The following LAMC1 variants were observed in gnomAD, a reference collection of about 807,000 sequenced individuals.
LAMC1 encodes laminin subunit gamma 1, also known as laminin subunit gamma-1.
Under a neutral mutation model 173.6 loss-of-function variants are expected in LAMC1, and 38 were observed. The ratio of observed to expected loss-of-function variants is 0.22; its 90% CI spans 0.17 to 0.29. The LOEUF is 0.29. Among genes scored for constraint, LAMC1 ranks in the 10% least tolerant of loss-of-function variants. The probability of loss-of-function intolerance (pLI) is 1.00; values close to 1 mark genes in which losing one functional copy is unlikely to be tolerated. For missense variants in LAMC1, 1,824 were observed against 2,051.8 expected (o/e 0.89, Z 2.14); for synonymous variants, 746 against 749.1 (o/e 1.00, Z 0.07).
At position 183,115,569 on chromosome 1, in the gene LAMC1, A is replaced by G; in HGVS notation, c.1260A>G (p.Pro420=). ...CDSYGRCSCK[P]GVMGDKCDRC... is the part of the protein sequence containing the mutation. Reference sequence around the variant, plus strand: ...GTTACGGCAGATGCAGCTGTAAGCCAGGAGTGATGGGGGACAAATGTGACC... The same window carrying G: ...GTTACGGCAGATGCAGCTGTAAGCCGGGAGTGATGGGGGACAAATGTGACC... The change falls in exon 6 of 28, where the codon CCA becomes CCG. Residue 420 remains proline (P), a synonymous_variant. Coordinates refer to ENST00000258341, the MANE Select transcript of LAMC1 (RefSeq NM_002293.4). 1 of 1,614,208 alleles carries G rather than the reference A, an allele frequency of 6.2e-7. No individual in the cohort carries two copies. The highest frequency in any genetic ancestry group is 8.5e-7 in the Non-Finnish European group (1 of 1,180,016).
At position 183,109,947 on chromosome 1, in the gene LAMC1, A is replaced by T. The variant is rs573673820; in HGVS notation, c.855-541A>T. 2.4e-4 allele frequency among the ~76,000 whole-genome samples: 37 copies of T among 152,306 alleles called. 1 individual carries two copies. Among genetic ancestry groups the T allele is most frequent in the African/African-American group, 8.4e-4 (35 of 41,572 alleles). Reference sequence around the variant, plus strand: ...ATGTGTCTCACCACCTTTAGGTCGGAATACTTTAAAATCATTATGGCAGAT... The same window carrying T: ...ATGTGTCTCACCACCTTTAGGTCGGTATACTTTAAAATCATTATGGCAGAT... On this transcript the variant is annotated intron_variant, in intron 3 of 27. Transcript: ENST00000258341.
In LAMC1 at chr1:183,115,611, C is replaced by G. The variant is rs1319342699; in HGVS notation, c.1302C>G (p.Phe434Leu). ...AATGTGACCGTTGCCAGCCTGGATT[C>G]CATTCTCTCACTGAAGCAGGATGCA... is the stretch of plus-strand genomic sequence containing the variant. Reference protein sequence around the residue: ...GDKCDRCQPGFHSLTEAGCRP... With the variant: ...GDKCDRCQPGLHSLTEAGCRP... The change falls in exon 6 of 28, where the codon TTC (phenylalanine) becomes TTG (leucine). Residue 434 changes from phenylalanine to leucine, a missense_variant. Coordinates refer to ENST00000258341, the MANE Select transcript of LAMC1 (RefSeq NM_002293.4). The G allele has an allele frequency of 6.2e-7, 1 of 1,613,306 alleles. No homozygotes were observed. Among genetic ancestry groups the G allele is most frequent in the African/African-American group, 1.3e-5 (1 of 74,918 alleles).
chr1:183,122,317 T>C, intron 13 of LAMC1, 66 bp downstream of exon 13: 1 of 1,465,700 alleles, frequency 6.8e-7, no homozygotes, highest in Non-Finnish European at 9.4e-7. Flanking sequence ...GGAAAGGGGC[T>C]TCGGAGTTGT....
At chr1:183,133,906 C>G (rs2102107702) in intron 22 of LAMC1, among the ~76,000 whole-genome samples, 1 of 152,354 alleles carries the variant, frequency 6.6e-6, no homozygotes, top group African/African-American at 2.4e-5. Flanking sequence ...TATGAACAAT[C>G]ACTCCTAAGT....
Position 183,023,781 on chromosome 1 carries a change from C to T in LAMC1, c.65C>T (p.Ala22Val), listed in dbSNP as rs773264654. 13 of 1,465,826 alleles carry T rather than the reference C, an allele frequency of 8.9e-6. No individual in the cohort carries two copies. The highest frequency in any genetic ancestry group is 1.2e-5 in the Non-Finnish European group (13 of 1,108,502). The allele number at this position is 1,465,826 out of a possible 1,614,324, so 90.8% of individuals were successfully genotyped here. A position where few individuals can be genotyped will look rare whatever the true frequency, so the allele number is the denominator to read the frequency against. ...RPRGRLWPVL[A>V]VLAAAAAAGC... is the part of the protein sequence containing the mutation. ...CGGGGGCGGCTCTGGCCCGTGCTGG[C>T]CGTGCTGGCGGCGGCCGCCGCGGCG... The change falls in exon 1 of 28, where the codon GCC (alanine) becomes GTC (valine). Residue 22 changes from alanine (A) to valine (V), a missense_variant. Coordinates refer to ENST00000258341, the MANE Select transcript of LAMC1 (RefSeq NM_002293.4).
intron 1 of LAMC1, among the ~76,000 whole-genome samples, chr1:183,044,762 C>G (rs1240764350): frequency 6.6e-6 from 1 of 152,058 alleles, no homozygotes. Flanking sequence ...CTGAAACCAA[C>G]CACAAAATTG....
chr1:183,061,943 G>A (rs1020304953), intron 1 of LAMC1, among the ~76,000 whole-genome samples: 8 of 152,194 alleles, frequency 5.3e-5, no homozygotes, highest in African/African-American at 1.9e-4. Flanking sequence ...ATTGGGACAT[G>A]GCAGAGAAGG....
At chr1:183,063,189 T>G (rs576808997) in intron 1 of LAMC1, among the ~76,000 whole-genome samples, 34 of 152,318 alleles carry the variant, frequency 2.2e-4, no homozygotes, top group African/African-American at 7.5e-4. Flanking sequence ...TCCAGAATAG[T>G]CAAATTTCTT....
chr1:183,103,071 C>T (rs557699762), intron 1 of LAMC1, among the ~76,000 whole-genome samples: 4 of 152,230 alleles, frequency 2.6e-5, no homozygotes, highest in East Asian at 1.9e-4. Context: ...TAACATACGC[C>T]GCCAGTTTTC....
chr1:183,042,690 G>T (rs1654167295), intron 1 of LAMC1, among the ~76,000 whole-genome samples: 1 of 152,198 alleles, frequency 6.6e-6, no homozygotes, highest in Admixed American at 6.5e-5. Flanking sequence ...TAGCTTTTCA[G>T]TAAAAGAGCC....
intron 1 of LAMC1, among the ~76,000 whole-genome samples, chr1:183,067,956 A>G (rs113468993): frequency 0.021 from 3,220 of 152,304 alleles, 64 homozygotes; most frequent in South Asian, 0.079. Context: ...AAAGAGACTT[A>G]ACCATTTATA....
At chr1:183,128,161 T>C (rs1283179895) in intron 17 of LAMC1, among the ~76,000 whole-genome samples, 1 of 152,242 alleles carries the variant, frequency 6.6e-6, no homozygotes, top group East Asian at 1.9e-4. Flanking sequence ...AGGTATAATT[T>C]TGGATGTTAA....
At chr1:183,087,061 A>C (rs1382047206) in intron 1 of LAMC1, among the ~76,000 whole-genome samples, 1 of 152,168 alleles carries the variant, frequency 6.6e-6, no homozygotes, top group African/African-American at 2.4e-5. Context: ...CCCTAGTACA[A>C]TACTTCTCTC....
At position 183,103,528 on chromosome 1, in the gene LAMC1, G is replaced by A; in HGVS notation, c.619G>A (p.Asp207Asn). The change falls in exon 2 of 28, where the codon GAT (aspartate) becomes AAT (asparagine). Residue 207 changes from aspartate to asparagine, a missense_variant. Transcript: ENST00000258341. ...GGDEQQALCT[D>N]EFSDISPLTG... ...GGACGAGCAGCAGGCCTTGTGTACT[G>A]ATGAATTCAGTGACATTTCTCCCCT... 6.2e-7 allele frequency: 1 copy of A among 1,614,004 alleles called. No homozygotes were observed. Among genetic ancestry groups the A allele is most frequent in the Non-Finnish European group, 8.5e-7 (1 of 1,179,964 alleles).
chr1:183,121,757 T>C lies in LAMC1; in HGVS notation c.2025T>C (p.Ser675=). The C allele has an allele frequency of 6.2e-7, 1 of 1,614,184 alleles. No individual in the cohort carries two copies. Among genetic ancestry groups the C allele is most frequent in the Non-Finnish European group, 8.5e-7 (1 of 1,180,010 alleles). ...ATTTGGATGATGTCACCCTGGCAAG[T>C]GCTCGTCCTGGGCCTGGAGTCCCTG... is the stretch of plus-strand genomic sequence containing the variant. ...AGYLDDVTLA[S]ARPGPGVPAT... is the part of the protein sequence containing the mutation. The change falls in exon 12 of 28, where the codon AGT becomes AGC. Residue 675 remains serine, a synonymous_variant. Transcript: ENST00000258341.
intron 4 of LAMC1, among the ~76,000 whole-genome samples, chr1:183,111,961 C>T (rs562569829): frequency 1.6e-4 from 25 of 152,294 alleles, no homozygotes; most frequent in Non-Finnish European, 2.8e-4. Context: ...ATTGCTTGAA[C>T]CTGGGAGGCG....
rs201149199 is a variant in LAMC1 at position 183,118,905 on chromosome 1, A to AT, written c.1990+770dup. 1.5e-4 allele frequency among the ~76,000 whole-genome samples: 22 copies of AT among 149,208 alleles called. No homozygotes were observed. The East Asian group carries it at 2.0e-3, about 13-fold the overall frequency. On this transcript the variant is annotated intron_variant, in intron 11 of 27. Coordinates refer to ENST00000258341, the MANE Select transcript of LAMC1 (RefSeq NM_002293.4). ...GTGAACAAGAGTTTAAGACTTAAAA[A>AT]TTTTTTTTTTTGAGACGGAGTCTTG...
intron 1 of LAMC1, among the ~76,000 whole-genome samples, chr1:183,084,203 G>C (rs1475474635): frequency 1.3e-5 from 2 of 152,134 alleles, no homozygotes; most frequent in African/African-American, 2.4e-5. Flanking sequence ...TTAGCTGGGC[G>C]CAGTGGCGGG....
At chr1:183,102,050 A>G (rs1230628967) in intron 1 of LAMC1, among the ~76,000 whole-genome samples, 1 of 152,082 alleles carries the variant, frequency 6.6e-6, no homozygotes, top group African/African-American at 2.4e-5. Context: ...GCCCCACCCC[A>G]CACAGAGGCA....
Sources: allele counts gnomAD v4.1 joint callset (sites outside exome capture counted in the v4.1 genomes callset), GRCh38; gene constraint gnomAD v4.1.1; transcripts MANE v1.5; gene names NCBI Gene and HGNC (gene_info 2026-07-23, HGNC 2026-07-21).